The following STIM1 variants were observed in gnomAD, a reference collection of about 807,000 sequenced individuals.
STIM1 encodes stromal interaction molecule 1.
A neutral mutation model predicts 74.7 loss-of-function variants in STIM1; 25 were observed. That is an observed-to-expected ratio of 0.33 (90% CI 0.24 to 0.47). The LOEUF is 0.47. Ranked by LOEUF, STIM1 falls within the 20% of genes least tolerant of loss-of-function variation. The probability of loss-of-function intolerance (pLI) is 1.00; values close to 1 mark genes in which losing one functional copy is unlikely to be tolerated. For missense variants in STIM1, 728 were observed against 920.8 expected (o/e 0.79, Z 2.71); for synonymous variants, 328 against 348.8 (o/e 0.94, Z 0.66).
At chr11:3,866,930 G>A (rs774201727) in intron 1 of STIM1, among the ~76,000 whole-genome samples, 3 of 152,184 alleles carry the variant, frequency 2.0e-5, no homozygotes, top group Non-Finnish European at 2.9e-5. Context: ...AAGGGCAAGA[G>A]CCATGTCTGG....
chr11:4,010,781 A>T (rs1168835324), intron 2 of STIM1, among the ~76,000 whole-genome samples: 1 of 152,178 alleles, frequency 6.6e-6, no homozygotes, highest in Non-Finnish European at 1.5e-5. Flanking sequence ...CAGGTTTGTT[A>T]CATAGGTATA....
At chr11:3,925,673 A>G (rs755839997) in intron 1 of STIM1, among the ~76,000 whole-genome samples, 3 of 152,222 alleles carry the variant, frequency 2.0e-5, no homozygotes, top group Non-Finnish European at 4.4e-5. Flanking sequence ...ATAATGGTCA[A>G]CAAATTATGC....
chr11:4,028,827 G>T (rs2094022163), intron 3 of STIM1, among the ~76,000 whole-genome samples: 1 of 152,204 alleles, frequency 6.6e-6, no homozygotes, highest in South Asian at 2.1e-4. Flanking sequence ...TGGTAGTCTA[G>T]TGTGCCTGTG....
At chr11:4,010,215 G>T (rs1376657730) in intron 2 of STIM1, among the ~76,000 whole-genome samples, 3 of 148,760 alleles carry the variant, frequency 2.0e-5, no homozygotes, top group Non-Finnish European at 4.4e-5. Flanking sequence ...TTGTCATCCA[G>T]GCTGTAGTGC....
At chr11:4,050,448 G>C (rs570595324) in intron 3 of STIM1, among the ~76,000 whole-genome samples, 2 of 152,150 alleles carry the variant, frequency 1.3e-5, no homozygotes, top group East Asian at 3.9e-4. Flanking sequence ...GCACCAATTG[G>C]GACAGTTCTT....
At chr11:3,858,252 T>G (rs71480414) in intron 1 of STIM1, among the ~76,000 whole-genome samples, 45,357 of 139,016 alleles carry the variant, frequency 0.33, 6,966 homozygotes, top group East Asian at 0.4. Context: ...TTTTTGTTTT[T>G]TGTTTTTCGC....
At chr11:4,053,034 C>T in intron 3 of STIM1, among the ~76,000 whole-genome samples, 1 of 152,180 alleles carries the variant, frequency 6.6e-6, no homozygotes, top group Admixed American at 6.5e-5. Flanking sequence ...CAATGAGATA[C>T]CATCTCACAC....
At chr11:3,913,813 C>T (rs573842629) in intron 1 of STIM1, among the ~76,000 whole-genome samples, 1 of 152,178 alleles carries the variant, frequency 6.6e-6, no homozygotes, top group Non-Finnish European at 1.5e-5. Flanking sequence ...CTCCCGCTGG[C>T]AGCCACCAAT....
chr11:3,875,618 T>C (rs1194146634), intron 1 of STIM1, among the ~76,000 whole-genome samples: 1 of 151,394 alleles, frequency 6.6e-6, no homozygotes, highest in Non-Finnish European at 1.5e-5. Context: ...TCCCAGCTAC[T>C]TGGGGGTAGA....
At chr11:3,891,010 C>T (rs527331080) in intron 1 of STIM1, among the ~76,000 whole-genome samples, 1 of 152,232 alleles carries the variant, frequency 6.6e-6, no homozygotes, top group African/African-American at 2.4e-5. Flanking sequence ...AACTCTGAGC[C>T]ACAGCGAAGT....
chr11:4,082,494 T>C, intron 8 of STIM1, 143 bp downstream of exon 8: 1 of 913,698 alleles, frequency 1.1e-6, no homozygotes, highest in Non-Finnish European at 1.7e-6. Context: ...TCTTTCCTAA[T>C]GTTCAGCTCC....
At chr11:4,000,511 C>T (rs890456456) in intron 2 of STIM1, among the ~76,000 whole-genome samples, 1 of 152,028 alleles carries the variant, frequency 6.6e-6, no homozygotes, top group African/African-American at 2.4e-5. Flanking sequence ...TCCAACAGAC[C>T]TGCAGCTGAG....
chr11:3,985,843 A>C (rs375488419), intron 2 of STIM1, among the ~76,000 whole-genome samples: 1 of 152,272 alleles, frequency 6.6e-6, no homozygotes, highest in East Asian at 1.9e-4. Flanking sequence ...CCTTCTGTGC[A>C]TGTCTGTGTC....
At chr11:3,999,865 C>T (rs1220910760) in intron 2 of STIM1, among the ~76,000 whole-genome samples, 7 of 152,134 alleles carry the variant, frequency 4.6e-5, no homozygotes, top group African/African-American at 9.7e-5. Flanking sequence ...CCTGGAAAAT[C>T]GGGCCACTCC....
intron 1 of STIM1, among the ~76,000 whole-genome samples, chr11:3,862,748 G>A (rs1307976710): frequency 6.6e-6 from 1 of 151,628 alleles, no homozygotes; most frequent in Non-Finnish European, 1.5e-5. Flanking sequence ...GCCCAGCCAA[G>A]TAGTCCCCTC....
intron 1 of STIM1, among the ~76,000 whole-genome samples, chr11:3,889,572 A>G (rs1228177313): frequency 5.3e-5 from 8 of 152,044 alleles, no homozygotes; most frequent in Admixed American, 5.2e-4. Context: ...ATGGAGTTTC[A>G]CCGTGGATAC....
At chr11:3,905,570 C>T (rs998664197) in intron 1 of STIM1, among the ~76,000 whole-genome samples, 4 of 152,042 alleles carry the variant, frequency 2.6e-5, no homozygotes, top group African/African-American at 9.7e-5. Context: ...GAGACCTTGT[C>T]ATTCATAAGT....
At chr11:3,903,531 C>T (rs1347947723) in intron 1 of STIM1, 2 of 152,176 alleles carry the variant, frequency 1.3e-5, no homozygotes, top group Non-Finnish European at 2.9e-5. Flanking sequence ...AAATCATTTT[C>T]CAAAGAATTT....
chr11:4,066,499 C>T (rs557396559), intron 5 of STIM1, among the ~76,000 whole-genome samples: 30 of 152,162 alleles, frequency 2.0e-4, no homozygotes, highest in African/African-American at 7.2e-4. Flanking sequence ...TATAAATAAA[C>T]CTTGTGCCCT....
Sources: allele counts gnomAD v4.1 joint callset (sites outside exome capture counted in the v4.1 genomes callset), GRCh38; gene constraint gnomAD v4.1.1; transcripts MANE v1.5; gene names NCBI Gene and HGNC (gene_info 2026-07-23, HGNC 2026-07-21).